The following XIST variants were observed in gnomAD, a reference collection of about 807,000 sequenced individuals.
XIST encodes the protein X inactive specific transcript.
At chrX:73,824,438 C>A in exon 6 of XIST, 1 of 556,381 alleles carries the variant, frequency 1.8e-6, no homozygotes, top group Non-Finnish European at 3.2e-6. Flanking sequence ...TAGGTATTGC[C>A]TTATTTTTGG....
chrX:73,849,883 G>A, exon 1 of XIST: 1 of 502,362 alleles, frequency 2.0e-6, no homozygotes, highest in Non-Finnish European at 3.5e-6. Flanking sequence ...GGGCAGGGCT[G>A]GGGCGGGGTG....
At chrX:73,845,712 A>C (rs1214860828) in exon 1 of XIST, 5 of 542,593 alleles carry the variant, frequency 9.2e-6, no homozygotes, top group Non-Finnish European at 1.6e-5. Flanking sequence ...ATAATGTCCA[A>C]GGTGCATGGC....
At chrX:73,842,329 G>A (rs1922613973) in exon 1 of XIST, 1 of 554,686 alleles carries the variant, frequency 1.8e-6, no homozygotes. Flanking sequence ...CCTTCCTGGG[G>A]AGACAATTTT....
At chrX:73,830,414 C>T (rs1166197007) in intron 4 of XIST, among the ~76,000 whole-genome samples, 3 of 111,913 alleles carry the variant, frequency 2.7e-5, no homozygotes, top group African/African-American at 6.5e-5. Context: ...AAAGCCTATA[C>T]GTTCAGGATT....
exon 6 of XIST, chrX:73,823,815 C>T (rs1288550789): frequency 7.2e-6 from 4 of 556,300 alleles, no homozygotes; most frequent in South Asian, 6.7e-5. Flanking sequence ...TGTTAAATGA[C>T]TTTTGGTCTG....
exon 6 of XIST, chrX:73,826,496 T>A (rs759201093): frequency 1.8e-6 from 1 of 559,209 alleles, no homozygotes; most frequent in Admixed American, 2.2e-5. Flanking sequence ...GGCTCAAGAC[T>A]GGCCCAGGCA....
At chrX:73,831,629 A>G (rs1178955361) in intron 3 of XIST, among the ~76,000 whole-genome samples, 4 of 111,407 alleles carry the variant, frequency 3.6e-5, no homozygotes, top group Non-Finnish European at 7.5e-5. Context: ...AGCACAAAAT[A>G]TAGTAGGGGG....
At position 73,820,726 on chromosome X, in the gene XIST, A is replaced by T. The variant is rs764252085; in HGVS notation, n.19175T>A. On this transcript the variant is annotated non_coding_transcript_exon_variant, in exon 6 of 6. Coordinates refer to ENST00000429829, the Ensembl canonical transcript of XIST. ...AGTTTGTTTCAATTGTGACATCTAG[A>T]TGGCTTAAGATTACTTTCTGGTGGT... is the stretch of plus-strand genomic sequence containing the variant. 1.6e-4 allele frequency: 87 copies of T among 554,702 alleles called. 2 individuals are homozygous for T. In the South Asian group the frequency reaches 1.9e-3, roughly 12 times the overall value. 45.7% of individuals were successfully genotyped at this position (554,702 alleles called of 1,213,427 possible). A position where few individuals can be genotyped will look rare whatever the true frequency, so the allele number is the denominator to read the frequency against.
rs148493243 is a variant in XIST, at chrX:73,836,348, A to G, written n.11406+1092T>C. On this transcript the variant is annotated intron_variant and non_coding_transcript_variant, in intron 2 of 5. Coordinates refer to ENST00000429829, the Ensembl canonical transcript of XIST. ...AAGGGTCATTTCTAGTTTCAAGAAT[A>G]CCCTACAGCTAAACTCTCCCTAAAC... Among the ~76,000 whole-genome samples, 314 of 111,600 alleles carry G rather than the reference A, an allele frequency of 2.8e-3. 3 individuals are homozygous for G. The highest frequency in any genetic ancestry group is 9.4e-3 in the African/African-American group (289 of 30,797).
chrX:73,823,070 A>G (rs757550384), exon 6 of XIST: 5 of 551,294 alleles, frequency 9.1e-6, no homozygotes, highest in African/African-American at 2.3e-5. Flanking sequence ...TTTATTGCTC[A>G]TATGTCTTCC....
chrX:73,823,759 C>T (rs765752635), exon 6 of XIST: 3 of 558,503 alleles, frequency 5.4e-6, no homozygotes, highest in Admixed American at 4.4e-5. Flanking sequence ...TAGTACACTG[C>T]CTTATATTAG....
chrX:73,825,056 CCTTT>C (rs1376629626), exon 6 of XIST: 1 of 512,950 alleles, frequency 1.9e-6, no homozygotes, highest in Non-Finnish European at 3.5e-6. Flanking sequence ...TTAATATGCA[CCTTT>C]CTGAAATTTT....
At chrX:73,835,743 C>T (rs1225456109) in intron 2 of XIST, among the ~76,000 whole-genome samples, 1 of 111,738 alleles carries the variant, frequency 8.9e-6, no homozygotes, top group African/African-American at 3.2e-5. Flanking sequence ...TGTAGGTGCA[C>T]ACTGAATAAT....
exon 1 of XIST, chrX:73,846,993 T>C: frequency 1.8e-6 from 1 of 559,219 alleles, no homozygotes; most frequent in South Asian, 2.2e-5. Context: ...CTCTCTGCTT[T>C]GATAAGTACA....
exon 1 of XIST, chrX:73,851,370 T>C (rs777814209): frequency 3.6e-6 from 2 of 559,018 alleles, no homozygotes; most frequent in Admixed American, 4.4e-5. Context: ...GGCAAGACCT[T>C]CAGCCGCCAT....
chrX:73,825,585 C>T (rs1922231656), exon 6 of XIST: 2 of 513,277 alleles, frequency 3.9e-6, no homozygotes, highest in Admixed American at 2.7e-5. Flanking sequence ...AAGCTATGAA[C>T]AGCAGGCCAA....
At chrX:73,848,942 G>T (rs764705590) in exon 1 of XIST, 21 of 555,173 alleles carry the variant, frequency 3.8e-5, no homozygotes, top group South Asian at 2.9e-4. Flanking sequence ...GCAGAACCAT[G>T]AATAATTACT....
In XIST at chrX:73,822,604, T is replaced by C. The variant is rs1357625379; in HGVS notation, n.17297A>G. ...AGTGTCTTTTCGTCATGATTTTTTT[T>C]GTTTTCTGTTTAGGATTTAACAAAA... On this transcript the variant is annotated non_coding_transcript_exon_variant, in exon 6 of 6. Transcript: ENST00000429829. 5.9e-6 allele frequency: 3 copies of C among 511,901 alleles called. No individual in the cohort carries two copies. The East Asian group carries it at 1.1e-4, about 18-fold the overall frequency. The allele number at this position is 511,901 out of a possible 1,213,427, so 42.2% of individuals were successfully genotyped here. A position where few individuals can be genotyped will look rare whatever the true frequency, so the allele number is the denominator to read the frequency against.
exon 6 of XIST, chrX:73,822,621 T>C (rs748487319): frequency 3.9e-6 from 2 of 517,256 alleles, no homozygotes. Flanking sequence ...TGTTTAGGAT[T>C]TAACAAAATG....
Sources: allele counts gnomAD v4.1 joint callset (sites outside exome capture counted in the v4.1 genomes callset), GRCh38; gene constraint gnomAD v4.1.1; transcripts MANE v1.5; gene names NCBI Gene and HGNC (gene_info 2026-07-23, HGNC 2026-07-21).